Variants in RUFY3 observed in about 807,000 individuals in gnomAD.
RUFY3 encodes the protein protein RUFY3.
A neutral mutation model predicts 84.0 loss-of-function variants in RUFY3; 34 were observed. That is an observed-to-expected ratio of 0.40 (90% CI 0.31 to 0.54). The LOEUF is 0.54. Ranked by LOEUF, RUFY3 falls within the 20% of genes least tolerant of loss-of-function variation. The pLI is 0.39. For missense variants in RUFY3, 507 were observed against 736.8 expected (o/e 0.69, Z 3.61); for synonymous variants, 242 against 252.9 (o/e 0.96, Z 0.41).
In RUFY3 at chr4:70,793,852, G is replaced by A. The variant is rs370536982; in HGVS notation, c.1405G>A (p.Gly469Arg). ...CAACCGGCTCTTCAAACAGGACTTT[G>A]GAGACAAGATCAACAGTCTGCAGCT... ...LDNRLFKQDF[G>R]DKINSLQLEV... The change falls in exon 13 of 18, where the codon GGA becomes AGA. Residue 469 changes from glycine to arginine, a missense_variant. By Grantham distance (125) the Gly-to-Arg change is moderately radical. Coordinates refer to ENST00000381006, the MANE Select transcript of RUFY3 (RefSeq NM_001037442.4). 1.9e-6 allele frequency: 3 copies of A among 1,613,968 alleles called. No homozygotes were observed. The highest frequency in any genetic ancestry group is 1.7e-5 in the Admixed American group (1 of 59,984).
chr4:70,704,417 G>C (rs1891451), upstream of RUFY3: 1 of 152,394 alleles, frequency 6.6e-6, no homozygotes, highest in East Asian at 1.9e-4. Flanking sequence ...CTTCAACCCA[G>C]ATCTTTGTGC....
intron 1 of RUFY3, among the ~76,000 whole-genome samples, chr4:70,744,736 C>T (rs1034745759): frequency 1.3e-5 from 2 of 150,170 alleles, no homozygotes; most frequent in Non-Finnish European, 3.0e-5. Context: ...CTCACTGCAA[C>T]CTCCACCTCC....
chr4:70,800,644 G>A (rs1732105166), intron 15 of RUFY3, among the ~76,000 whole-genome samples: 1 of 152,202 alleles, frequency 6.6e-6, no homozygotes, highest in Non-Finnish European at 1.5e-5. Context: ...AGTACTTTGG[G>A]AGGCCGAGGC....
chr4:70,723,691 A>G (rs1485200541), intron 1 of RUFY3, among the ~76,000 whole-genome samples: 6 of 151,792 alleles, frequency 4.0e-5, no homozygotes, highest in Admixed American at 2.0e-4. Flanking sequence ...TATACTGATG[A>G]AAAAAAACAA....
chr4:70,742,439 C>G (rs892843807), intron 1 of RUFY3, among the ~76,000 whole-genome samples: 1 of 152,172 alleles, frequency 6.6e-6, no homozygotes, highest in African/African-American at 2.4e-5. Flanking sequence ...CCTTTCCTGC[C>G]CACCTCCTCC....
chr4:70,789,416 C>G, intron 11 of RUFY3, 79 bp from the exon 12 acceptor site: 1 of 1,270,920 alleles, frequency 7.9e-7, no homozygotes, highest in Non-Finnish European at 1.1e-6. Flanking sequence ...TCCCACTTAC[C>G]ATTAGATTCA....
intron 8 of RUFY3, among the ~76,000 whole-genome samples, chr4:70,780,334 C>A (rs570366515): frequency 5.6e-4 from 85 of 152,014 alleles, no homozygotes; most frequent in African/African-American, 1.9e-3. Flanking sequence ...ATTGCTTTGT[C>A]GCCCAGGTTG....
At position 70,778,315 on chromosome 4, in the gene RUFY3, A is replaced by T. The variant is rs1023667460; in HGVS notation, c.825-54A>T. On this transcript the variant is annotated intron_variant, in intron 7 of 17. Coordinates refer to ENST00000381006, the MANE Select transcript of RUFY3 (RefSeq NM_001037442.4). The stretch of plus-strand genomic sequence containing the variant: ...GTGTGAAGGGTTTAAAAAGGAAGGT[A>T]CAGAGTATTGTCTGTTTTTCAAAAG... The T allele has an allele frequency of 4.6e-6, 4 of 873,140 alleles. No individual in the cohort carries two copies. The African/African-American group carries it at 6.7e-5, about 15-fold the overall frequency. 54.1% of individuals were successfully genotyped at this position (873,140 alleles called of 1,614,324 possible).
chr4:70,727,237 G>T (rs1718408350), intron 1 of RUFY3, among the ~76,000 whole-genome samples: 1 of 148,628 alleles, frequency 6.7e-6, no homozygotes, highest in Non-Finnish European at 1.5e-5. Context: ...CTGAGATGAA[G>T]TGGTATATTT....
intron 1 of RUFY3, among the ~76,000 whole-genome samples, chr4:70,711,084 A>G (rs1740940646): frequency 6.6e-6 from 1 of 150,614 alleles, no homozygotes; most frequent in Non-Finnish European, 1.5e-5. Context: ...AAAAAAAAAA[A>G]AAAAAAAGAA....
At chr4:70,741,368 A>G (rs1200031543) in intron 1 of RUFY3, among the ~76,000 whole-genome samples, 1 of 152,160 alleles carries the variant, frequency 6.6e-6, no homozygotes, top group Non-Finnish European at 1.5e-5. Context: ...TAGGATATGC[A>G]TCTTTGTTTC....
At chr4:70,791,766 T>C in intron 12 of RUFY3, 2 of 989,388 alleles carry the variant, frequency 2.0e-6, no homozygotes, top group Non-Finnish European at 1.2e-6. Flanking sequence ...TCTAAAATAG[T>C]TCTGTGTCTC....
intron 1 of RUFY3, among the ~76,000 whole-genome samples, chr4:70,755,848 G>A (rs1208182564): frequency 1.3e-5 from 2 of 151,932 alleles, no homozygotes; most frequent in Non-Finnish European, 2.9e-5. Context: ...CTACTCAGGA[G>A]GCTGAGGCAG....
chr4:70,716,250 A>G (rs1399798508), intron 1 of RUFY3, among the ~76,000 whole-genome samples: 1 of 152,020 alleles, frequency 6.6e-6, no homozygotes, highest in Non-Finnish European at 1.5e-5. Flanking sequence ...GCTTCAAGCA[A>G]TTCTCCTGCT....
In RUFY3 at chr4:70,705,115, C is replaced by T. The variant is rs780970830; in HGVS notation, c.179C>T (p.Pro60Leu). The T allele has an allele frequency of 3.9e-5, 56 of 1,428,980 alleles. No homozygotes were observed. The African/African-American group carries it at 4.3e-4, about 11-fold the overall frequency. 88.5% of individuals were successfully genotyped at this position (1,428,980 alleles called of 1,614,324 possible). Residue 60 changes from proline to leucine, a missense_variant, in exon 1 of 12, where the codon CCG becomes CTG. By Grantham distance (98) the Pro-to-Leu change is moderately conservative. Coordinates refer to the RUFY3 transcript ENST00000417478. ...GCCGGGCAGTCGGAGCCCGACTCGCCGGTGGCCGCCCCCTTCTTCCTGCTG... is the reference window on the plus strand; with the variant it reads ...GCCGGGCAGTCGGAGCCCGACTCGCTGGTGGCCGCCCCCTTCTTCCTGCTG...
intron 6 of RUFY3, among the ~76,000 whole-genome samples, chr4:70,774,514 C>T: frequency 7.1e-6 from 1 of 141,738 alleles, no homozygotes; most frequent in Non-Finnish European, 1.5e-5. Flanking sequence ...ACTTGGGAGG[C>T]TGAGGCCGGA....
chr4:70,711,886 G>T (rs982429956), intron 1 of RUFY3, among the ~76,000 whole-genome samples: 8 of 152,194 alleles, frequency 5.3e-5, no homozygotes, highest in African/African-American at 1.9e-4. Flanking sequence ...CTCACAGTTT[G>T]TCTTCCCAGC....
At chr4:70,749,287 TGAA>T (rs1722722390) in intron 1 of RUFY3, among the ~76,000 whole-genome samples, 1 of 152,158 alleles carries the variant, frequency 6.6e-6, no homozygotes, top group Non-Finnish European at 1.5e-5. Context: ...TAAAGGTAAC[TGAA>T]GAAGTCTGGG....
intron 1 of RUFY3, among the ~76,000 whole-genome samples, chr4:70,710,735 TTTTA>T (rs1740886335): frequency 6.6e-6 from 1 of 151,636 alleles, no homozygotes; most frequent in South Asian, 2.1e-4. Context: ...ATGTTTTTTG[TTTTA>T]TTTATTAAAA....
Sources: allele counts gnomAD v4.1 joint callset (sites outside exome capture counted in the v4.1 genomes callset), GRCh38; gene constraint gnomAD v4.1.1; transcripts MANE v1.5; gene names NCBI Gene and HGNC (gene_info 2026-07-23, HGNC 2026-07-21).